BPHL: variants seen among roughly 807,000 people sequenced by gnomAD.
BPHL encodes the protein serine hydrolase BPHL.
BPHL carries 27 observed loss-of-function variants against 31.2 expected under a neutral mutation model. That is an observed-to-expected ratio of 0.87 (90% confidence interval 0.64 to 1.19). The LOEUF is 1.19. Among genes scored for constraint, BPHL ranks in the 50% most tolerant of loss-of-function variants. The pLI, the probability that BPHL is intolerant of heterozygous loss-of-function variation, is 0.00. For synonymous variants in BPHL, 150 were observed against 146.8 expected, an observed-to-expected ratio of 1.02 and a Z score of -0.16; for missense variants, 356 against 375.7, an observed-to-expected ratio of 0.95 and a Z score of 0.43.
intron 4 of BPHL, among the ~76,000 whole-genome samples, chr6:3,129,683 A>G (rs2113753949): frequency 6.6e-6 from 1 of 152,310 alleles, no homozygotes; most frequent in South Asian, 2.1e-4. Flanking sequence ...GGGGGAGGAA[A>G]GAAAATAATG....
At chr6:3,137,274 G>A in intron 4 of BPHL, 88 bp from the exon 5 acceptor site, 1 of 1,496,502 alleles carries the variant, frequency 6.7e-7, no homozygotes. Context: ...GAGCGCATGG[G>A]CTCAGAAGTG....
Position 3,119,576 on chromosome 6 carries a change from G to A in BPHL, c.107+729G>A. ...TTCTGTCTTGAAAATGGATACTCTT[G>A]GTCCCAAGAGATACTGGGCAGAAAT... On this transcript the variant is annotated intron_variant, in intron 1 of 6. Transcript: ENST00000380379. 3 of 1,595,054 alleles carry A rather than the reference G, an allele frequency of 1.9e-6. No individual in the cohort carries two copies. The South Asian group carries it at 3.3e-5, about 18-fold the overall frequency.
At chr6:3,119,278 A>G in intron 1 of BPHL, 1 of 1,539,982 alleles carries the variant, frequency 6.5e-7, no homozygotes, top group Non-Finnish European at 8.7e-7. Flanking sequence ...TCTTTCTCTT[A>G]TGTCAGAAAT....
intron 2 of BPHL, 63 bp downstream of exon 2, chr6:3,123,823 C>A: frequency 7.7e-7 from 1 of 1,294,320 alleles, no homozygotes; most frequent in Non-Finnish European, 1.1e-6. Context: ...ATTCACAATA[C>A]TAGATGCCAA....
At chr6:3,143,632 G>A (rs35551703) in intron 6 of BPHL, among the ~76,000 whole-genome samples, 4,962 of 152,300 alleles carry the variant, frequency 0.033, 163 homozygotes, top group Non-Finnish European at 0.042. Context: ...TCTGCCTCCC[G>A]TGTCCACATT....
intron 4 of BPHL, 77 bp downstream of exon 4, chr6:3,129,275 A>G (rs1761803418): frequency 2.1e-6 from 3 of 1,444,756 alleles, no homozygotes; most frequent in Non-Finnish European, 1.8e-6. Flanking sequence ...ATTGTGGGAT[A>G]TGTTGACAAG....
chr6:3,144,190 C>T (rs536207836), intron 6 of BPHL, among the ~76,000 whole-genome samples: 41 of 152,166 alleles, frequency 2.7e-4, no homozygotes, highest in Non-Finnish European at 8.8e-5. Context: ...GCCTCAGCCT[C>T]CCGAGTAGCT....
At chr6:3,152,405 G>A in intron 6 of BPHL, 83 bp from the exon 7 acceptor site, 1 of 1,186,964 alleles carries the variant, frequency 8.4e-7, no homozygotes. Flanking sequence ...CACTTTAGAT[G>A]TTTGTGAAAT....
At chr6:3,148,422 G>A (rs1456560288) in intron 6 of BPHL, among the ~76,000 whole-genome samples, 1 of 152,248 alleles carries the variant, frequency 6.6e-6, no homozygotes, top group Non-Finnish European at 1.5e-5. Flanking sequence ...AATTGGCTTA[G>A]GTGGAAAAGA....
chr6:3,136,921 A>G (rs1015740641), intron 4 of BPHL, among the ~76,000 whole-genome samples: 15 of 152,238 alleles, frequency 9.9e-5, no homozygotes, highest in African/African-American at 3.4e-4. Context: ...GTCCATACAA[A>G]TGCAATGCAG....
intron 1 of BPHL, 116 bp from the exon 2 acceptor site, chr6:3,123,541 C>G (rs532399616): frequency 1.3e-6 from 1 of 748,136 alleles, no homozygotes; most frequent in East Asian, 2.6e-5. Flanking sequence ...CGTAGTCATC[C>G]TACAGCGCGT....
At chr6:3,118,925 G>A in intron 1 of BPHL, 78 bp downstream of exon 1, 1 of 1,147,938 alleles carries the variant, frequency 8.7e-7, no homozygotes, top group Non-Finnish European at 1.1e-6. Flanking sequence ...CGTGCCGACA[G>A]CAGGAGTTCC....
rs1762140668 is a variant in BPHL at position 3,140,408 on chromosome 6, GC to G, written c.691del (p.Arg231GlyfsTer7). On this transcript the variant is annotated frameshift_variant, in exon 6 of 7. Transcript: ENST00000380379. LOFTEE classifies it high-confidence loss of function. The surrounding 1 kb of genome is among the most constrained non-coding windows in gnomAD (Gnocchi z 5.2). Reference protein sequence around the residue: ...PDGNICRHLLPRVQCPALIVH... With the variant: ...PDGNICRHLLXRVQCPALIVH... The stretch of plus-strand genomic sequence containing the variant: ...CAGGTAACATCTGCCGGCACCTGCT[GC>G]CCCGGGTCCAGTGCCCCGCCTTGAT... 6.2e-7 allele frequency: 1 copy of G among 1,614,052 alleles called. No individual in the cohort carries two copies. Among genetic ancestry groups the G allele is most frequent in the Non-Finnish European group, 8.5e-7 (1 of 1,180,038 alleles).
intron 6 of BPHL, among the ~76,000 whole-genome samples, chr6:3,146,184 G>A (rs1370043586): frequency 3.3e-5 from 2 of 60,014 alleles, no homozygotes; most frequent in Admixed American, 1.3e-4. Flanking sequence ...GGTTCGGGGT[G>A]GAGTGCTGGT....
chr6:3,126,755 C>CTT lies in BPHL; in HGVS notation c.212-472_212-471dup, dbSNP rs574990872. 4.9e-3 allele frequency: 634 copies of CTT among 128,156 alleles called. 9 individuals are homozygous for CTT. Among genetic ancestry groups the CTT allele is most frequent in the African/African-American group, 0.017 (605 of 34,758 alleles). The allele number at this position is 128,156 out of a possible 1,614,324, so 7.9% of individuals were successfully genotyped here. ...AGGCGTGAGCCACCGCGCCCGGCCCCTTTTTTTTTTTTTTTTGGAGACTGA... is the reference window on the plus strand; with the variant it reads ...AGGCGTGAGCCACCGCGCCCGGCCCCTTTTTTTTTTTTTTTTTTGGAGACTGA... On this transcript the variant is annotated intron_variant, in intron 2 of 6. Transcript: ENST00000380379.
At chr6:3,136,216 G>A (rs968531110) in intron 4 of BPHL, among the ~76,000 whole-genome samples, 5 of 152,194 alleles carry the variant, frequency 3.3e-5, no homozygotes, top group Admixed American at 2.0e-4. Context: ...GTGCAGGGAC[G>A]TTTTGCTAGC....
At chr6:3,144,592 G>T (rs9328144) in intron 6 of BPHL, among the ~76,000 whole-genome samples, 1 of 151,474 alleles carries the variant, frequency 6.6e-6, no homozygotes, top group African/African-American at 2.4e-5. Flanking sequence ...GGGCCTTGCC[G>T]TGTTGTCCAG....
chr6:3,127,430 CA>C (rs1357192568), intron 3 of BPHL, 22 bp downstream of exon 3: 3 of 1,530,396 alleles, frequency 2.0e-6, no homozygotes, highest in South Asian at 1.2e-5. Flanking sequence ...AGGGAAGGGC[CA>C]GGGGAGGAAG....
intron 5 of BPHL, chr6:3,139,266 TAATG>T (rs1447255594): frequency 5.2e-5 from 8 of 152,398 alleles, no homozygotes; most frequent in Non-Finnish European, 7.3e-5. Flanking sequence ...CAGAAGTCCT[TAATG>T]AACAAACATT....
Sources: gnomAD v4.1 joint callset for allele counts (sites outside exome capture counted in the v4.1 genomes callset) on GRCh38, gnomAD v4.1.1 for gene constraint, Gnocchi (gnomAD v3.1) non-coding constraint, MANE v1.5 for transcripts, NCBI Gene and HGNC (gene_info 2026-07-23, HGNC 2026-07-21) for gene names.